XRCC5: variants seen among roughly 807,000 people sequenced by gnomAD.
XRCC5 encodes the protein DNA repair protein Ku80.
Under a neutral mutation model 95.7 loss-of-function variants are expected in XRCC5, and 12 were observed. The observed-to-expected ratio is 0.13, with a 90% confidence interval of 0.08 to 0.20. The LOEUF (loss-of-function observed/expected upper bound fraction) is 0.20, where lower values mean the gene tolerates loss of function less well. Among genes scored for constraint, XRCC5 ranks in the 10% least tolerant of loss-of-function variants. XRCC5 has a pLI of 1.00. For missense variants in XRCC5, 595 were observed against 873.9 expected (o/e 0.68, Z 4.02); for synonymous variants, 281 against 290.3 (o/e 0.97, Z 0.33).
At position 216,116,852 on chromosome 2, in the gene XRCC5, T is replaced by C. The variant is rs1696706366; in HGVS notation, c.319+10T>C. On this transcript the variant is annotated intron_variant, in intron 3 of 20. Transcript: ENST00000392132. ...TCTCAACAGGCTGACTGTATCCTTT[T>C]TCTGCCAGAGAAGACTTTAAGAAAT... is the stretch of plus-strand genomic sequence containing the variant. 6.2e-7 allele frequency: 1 copy of C among 1,611,188 alleles called. No homozygotes were observed. Among genetic ancestry groups the C allele is most frequent in the African/African-American group, 1.3e-5 (1 of 74,846 alleles).
chr2:216,155,794 A>T (rs1434391125), intron 14 of XRCC5, among the ~76,000 whole-genome samples: 1 of 152,246 alleles, frequency 6.6e-6, no homozygotes. Flanking sequence ...ATACACATCT[A>T]AGATGTATCT....
intron 6 of XRCC5, among the ~76,000 whole-genome samples, chr2:216,123,669 G>GT (rs1696855994): frequency 6.6e-6 from 1 of 152,154 alleles, no homozygotes; most frequent in Non-Finnish European, 1.5e-5. Flanking sequence ...AGCTGGGCAT[G>GT]GTGGTGCATG....
chr2:216,160,305 C>A, intron 15 of XRCC5, 144 bp downstream of exon 15: 1 of 492,294 alleles, frequency 2.0e-6, no homozygotes, highest in Non-Finnish European at 3.6e-6. Context: ...CTATAGAAGC[C>A]AAAAAGACCC....
At chr2:216,169,269 A>C (rs1049504458) in intron 16 of XRCC5, among the ~76,000 whole-genome samples, 1 of 152,244 alleles carries the variant, frequency 6.6e-6, no homozygotes, top group Non-Finnish European at 1.5e-5. Flanking sequence ...CGTAATACCC[A>C]TGTTCACCTT....
At chr2:216,139,648 A>G (rs1052963357) in intron 12 of XRCC5, among the ~76,000 whole-genome samples, 1 of 152,168 alleles carries the variant, frequency 6.6e-6, no homozygotes, top group African/African-American at 2.4e-5. Context: ...TTGGGACTAC[A>G]GGTACGCGCC....
At chr2:216,141,057 G>T in intron 12 of XRCC5, 129 bp from the exon 13 acceptor site, 1 of 1,048,840 alleles carries the variant, frequency 9.5e-7, no homozygotes, top group East Asian at 2.5e-5. Context: ...TGCATAGCTA[G>T]AGAATACTTT....
intron 19 of XRCC5, among the ~76,000 whole-genome samples, chr2:216,196,341 C>T (rs1689720179): frequency 6.6e-6 from 1 of 152,124 alleles, no homozygotes; most frequent in African/African-American, 2.4e-5. Flanking sequence ...ACCCTCTCTG[C>T]CACAGGCAAT....
intron 2 of XRCC5, among the ~76,000 whole-genome samples, chr2:216,115,165 G>T (rs1404467065): frequency 1.0e-4 from 12 of 118,022 alleles, no homozygotes; most frequent in Non-Finnish European, 1.5e-4. Flanking sequence ...GCTTATGTCT[G>T]TCGTTTCAAT....
intron 18 of XRCC5, among the ~76,000 whole-genome samples, chr2:216,192,996 A>G (rs78155049): frequency 6.6e-6 from 1 of 152,114 alleles, no homozygotes; most frequent in South Asian, 2.1e-4. Flanking sequence ...AGCATGACCT[A>G]TTTCATGGCT....
At chr2:216,177,321 A>G (rs981641336) in intron 16 of XRCC5, among the ~76,000 whole-genome samples, 2 of 152,212 alleles carry the variant, frequency 1.3e-5, no homozygotes, top group Non-Finnish European at 2.9e-5. Flanking sequence ...TGAGACCTTT[A>G]TGATTTTGGT....
intron 1 of XRCC5, among the ~76,000 whole-genome samples, chr2:216,112,362 T>C (rs1371254362): frequency 6.6e-6 from 1 of 152,208 alleles, no homozygotes; most frequent in Non-Finnish European, 1.5e-5. Flanking sequence ...CCTCCACCAG[T>C]CTTGAGTGGA....
chr2:216,149,086 C>T (rs1354922468), intron 14 of XRCC5, among the ~76,000 whole-genome samples: 1 of 152,050 alleles, frequency 6.6e-6, no homozygotes, highest in South Asian at 2.1e-4. Context: ...AATCTTTTCC[C>T]CTTTTTTATT....
intron 16 of XRCC5, among the ~76,000 whole-genome samples, chr2:216,171,836 A>G (rs957165215): frequency 1.3e-5 from 2 of 152,228 alleles, no homozygotes; most frequent in Non-Finnish European, 2.9e-5. Context: ...TCTCTTAGAT[A>G]AATTGCACTT....
chr2:216,168,053 ATCAGGACAAGTGGTC>A (rs1689087764), intron 16 of XRCC5, among the ~76,000 whole-genome samples: 1 of 152,210 alleles, frequency 6.6e-6, no homozygotes, highest in South Asian at 2.1e-4. Context: ...TGCCTCATTT[ATCAGGACAAGTGGTC>A]TCATTGTAAC....
chr2:216,187,550 A>T (rs771288023), intron 16 of XRCC5, among the ~76,000 whole-genome samples: 2 of 142,688 alleles, frequency 1.4e-5, no homozygotes, highest in African/African-American at 2.6e-5. Context: ...AAAATGAGTC[A>T]GGAAGCTGGT....
At chr2:216,170,633 G>A (rs919249106) in intron 16 of XRCC5, among the ~76,000 whole-genome samples, 5 of 152,108 alleles carry the variant, frequency 3.3e-5, no homozygotes, top group African/African-American at 7.2e-5. Context: ...AGATTTGGGC[G>A]GGACACAAAT....
chr2:216,175,821 C>T, intron 16 of XRCC5: 1 of 436,132 alleles, frequency 2.3e-6, no homozygotes, highest in South Asian at 1.8e-5. Flanking sequence ...GCTTGGGGTT[C>T]TGTCATTACC....
chr2:216,155,730 T>G (rs1688828897), intron 14 of XRCC5, among the ~76,000 whole-genome samples: 2 of 152,228 alleles, frequency 1.3e-5, no homozygotes, highest in Admixed American at 1.3e-4. Flanking sequence ...CTATATCATC[T>G]TGTACTTAAA....
In XRCC5 at chr2:216,160,129, G is replaced by C. The variant is rs201184020; in HGVS notation, c.1732G>C (p.Val578Leu). ...KTEQGGAHFS[V>L]SSLAEGSVTS... ...TGAGCAAGGGGGAGCCCACTTCAGC[G>C]TCTCCAGTCTGGCTGAAGGCAGTGT... is the stretch of plus-strand genomic sequence containing the variant. Residue 578 changes from valine (V) to leucine (L), a missense_variant, in exon 15 of 21, where the codon GTC becomes CTC. By Grantham distance (32) the Val-to-Leu change is conservative (BLOSUM62 1). Coordinates refer to ENST00000392132, the MANE Select transcript of XRCC5 (RefSeq NM_021141.4). The C allele has an allele frequency of 5.7e-5, 91 of 1,608,228 alleles. No homozygotes were observed. The highest frequency in any genetic ancestry group is 6.0e-5 in the Non-Finnish European group (71 of 1,176,952).
Sources: gnomAD v4.1 joint callset for allele counts (sites outside exome capture counted in the v4.1 genomes callset) on GRCh38, gnomAD v4.1.1 for gene constraint, MANE v1.5 for transcripts, NCBI Gene and HGNC (gene_info 2026-07-23, HGNC 2026-07-21) for gene names.